The following SYT16 variants were observed in gnomAD, a reference collection of about 807,000 sequenced individuals.
The protein encoded by SYT16 is synaptotagmin-16.
Under a neutral mutation model 61.4 loss-of-function variants are expected in SYT16, and 42 were observed. The observed-to-expected ratio is 0.68, with a 90% CI of 0.53 to 0.89. The LOEUF (loss-of-function observed/expected upper bound fraction) is 0.89, where lower values mean the gene tolerates loss of function less well. Ranked by LOEUF, SYT16 falls within the 40% of genes least tolerant of loss-of-function variation. The pLI, the probability that SYT16 is intolerant of heterozygous loss-of-function variation, is 0.00. For synonymous variants in SYT16, 314 were observed against 302.3 expected (o/e 1.04, Z -0.40); for missense variants, 804 against 807.3 (o/e 1.00, Z 0.05).
At chr14:62,054,360 G>GTTTTTTTTTTTTTTTTT (rs11347339) in intron 3 of SYT16, among the ~76,000 whole-genome samples, 4 of 118,296 alleles carry the variant, frequency 3.4e-5, no homozygotes, top group African/African-American at 1.0e-4. Flanking sequence ...AGTGAAGTGA[G>GTTTTTTTTTTTTTTTTT]TTTTTTTTTT....
At chr14:62,083,564 C>T (rs2056783449) in intron 6 of SYT16, among the ~76,000 whole-genome samples, 1 of 152,212 alleles carries the variant, frequency 6.6e-6, no homozygotes, top group South Asian at 2.1e-4. Context: ...GTCGCTGAGA[C>T]CCACAACCCA....
At chr14:61,965,126 C>A (rs2784504) in intron 1 of SYT16, among the ~76,000 whole-genome samples, 20,328 of 152,076 alleles carry the variant, frequency 0.13, 2,420 homozygotes, top group African/African-American at 0.32. Flanking sequence ...ATTTTCAATT[C>A]TCTTGGGTGC....
At chr14:62,074,494 A>G (rs1011378696) in intron 4 of SYT16, among the ~76,000 whole-genome samples, 1 of 152,242 alleles carries the variant, frequency 6.6e-6, no homozygotes, top group Non-Finnish European at 1.5e-5. Context: ...CCTAATATTT[A>G]CGGAAGGCCT....
intron 1 of SYT16, among the ~76,000 whole-genome samples, chr14:61,962,149 A>G (rs2051140183): frequency 1.3e-5 from 2 of 152,134 alleles, no homozygotes; most frequent in African/African-American, 4.8e-5. Context: ...TAAGATTTGA[A>G]AAACCACCTA....
At chr14:62,023,132 G>T (rs926498388) in intron 3 of SYT16, among the ~76,000 whole-genome samples, 3 of 152,060 alleles carry the variant, frequency 2.0e-5, no homozygotes, top group East Asian at 1.9e-4. Flanking sequence ...ATCAAAAATT[G>T]TTGAGGCTGT....
chr14:61,817,011 ACACAC>A (rs1566604679), intron 1 of SYT16, among the ~76,000 whole-genome samples: 19 of 134,528 alleles, frequency 1.4e-4, no homozygotes, highest in African/African-American at 3.6e-4. Flanking sequence ...GCTCCGTCAC[ACACAC>A]ACACACACAC....
chr14:62,049,347 C>G (rs940421124), intron 3 of SYT16, among the ~76,000 whole-genome samples: 1 of 152,118 alleles, frequency 6.6e-6, no homozygotes, highest in African/African-American at 2.4e-5. Context: ...TCCTCCATCC[C>G]TTTATTTTGA....
At chr14:62,046,235 C>T (rs1236018661) in intron 3 of SYT16, among the ~76,000 whole-genome samples, 1 of 152,128 alleles carries the variant, frequency 6.6e-6, no homozygotes, top group Non-Finnish European at 1.5e-5. Context: ...TGTTTTTTGG[C>T]TGTATAAATG....
In SYT16 at chr14:61,880,620, T is replaced by A. The variant is rs537216223; in HGVS notation, c.-325+67810T>A. Among the ~76,000 whole-genome samples, 695 of 152,324 alleles carry A rather than the reference T, an allele frequency of 4.6e-3. 10 individuals carry two copies. The highest frequency in any genetic ancestry group is 0.045 in the South Asian group (218 of 4,828). On this transcript the variant is annotated intron_variant, in intron 1 of 7. Coordinates refer to ENST00000683842, the MANE Select transcript of SYT16 (RefSeq NM_001367656.1). ...TAACACATATATTGCTCTATTTAGT[T>A]TTTCCTTAATATCTTTCAGCAAAAT...
intron 1 of SYT16, among the ~76,000 whole-genome samples, chr14:61,824,887 G>A (rs1200069988): frequency 6.6e-6 from 1 of 152,136 alleles, no homozygotes; most frequent in Non-Finnish European, 1.5e-5. Context: ...GGGGGCATGA[G>A]GAGCTATGAC....
At chr14:61,869,319 C>T (rs2047255875) in intron 1 of SYT16, among the ~76,000 whole-genome samples, 3 of 151,808 alleles carry the variant, frequency 2.0e-5, no homozygotes, top group Admixed American at 1.3e-4. Flanking sequence ...ATTTGTCTTA[C>T]CGTCTTTATT....
chr14:62,041,990 A>C (rs2140851022), intron 3 of SYT16, among the ~76,000 whole-genome samples: 1 of 152,280 alleles, frequency 6.6e-6, no homozygotes. Context: ...TGAATCTTTC[A>C]TCTCTTTACC....
intron 1 of SYT16, among the ~76,000 whole-genome samples, chr14:61,909,542 G>T (rs1016333763): frequency 6.6e-6 from 1 of 152,184 alleles, no homozygotes; most frequent in African/African-American, 2.4e-5. Flanking sequence ...TCTCCTGTGT[G>T]ACTCTTGGAA....
At chr14:62,012,028 T>C (rs1595151228) in intron 3 of SYT16, among the ~76,000 whole-genome samples, 1 of 58,948 alleles carries the variant, frequency 1.7e-5, no homozygotes, top group Admixed American at 2.7e-4. Context: ...CTCATGCACC[T>C]TTTTAGAATA....
In SYT16 at chr14:62,075,177, C is replaced by G. The variant is rs915247607; in HGVS notation, c.779C>G (p.Ser260Cys). 6.2e-7 allele frequency: 1 copy of G among 1,612,524 alleles called. No individual in the cohort carries two copies. The highest frequency in any genetic ancestry group is 1.3e-5 in the African/African-American group (1 of 74,862). ...CAACGGCGTTATTCTGAGAATCTCT[C>G]CTACGGTGAAGATGACCACATCCCT... The part of the protein sequence containing the change: ...ASQRRYSENL[S>C]YGEDDHIPAH... Residue 260 changes from serine to cysteine, a missense_variant, in exon 5 of 8, where the codon TCC becomes TGC. Physicochemically the swap from Ser to Cys is moderately radical, Grantham distance 112. Coordinates refer to ENST00000683842, the MANE Select transcript of SYT16 (RefSeq NM_001367656.1).
At chr14:61,951,667 A>T (rs2784500) in intron 1 of SYT16, among the ~76,000 whole-genome samples, 6 of 151,898 alleles carry the variant, frequency 4.0e-5, no homozygotes, top group African/African-American at 1.5e-4. Flanking sequence ...GTGAAAGTTA[A>T]ATTGCCCCAT....
At chr14:62,036,471 G>T (rs550090476) in intron 3 of SYT16, among the ~76,000 whole-genome samples, 23 of 152,166 alleles carry the variant, frequency 1.5e-4, no homozygotes, top group African/African-American at 5.5e-4. Context: ...GGAGCTGTGG[G>T]TTAAGATTTG....
intron 1 of SYT16, among the ~76,000 whole-genome samples, chr14:61,913,686 T>C (rs946908833): frequency 8.1e-6 from 1 of 124,138 alleles, no homozygotes; most frequent in African/African-American, 3.1e-5. Flanking sequence ...GAAAATAAGA[T>C]CATCCTTCTT....
chr14:62,001,436 A>G (rs894295223), intron 3 of SYT16, among the ~76,000 whole-genome samples: 2 of 152,088 alleles, frequency 1.3e-5, no homozygotes, highest in African/African-American at 2.4e-5. Flanking sequence ...ATGGCTTGCT[A>G]TAATACTTTC....
Sources: allele counts gnomAD v4.1 joint callset (sites outside exome capture counted in the v4.1 genomes callset), GRCh38; gene constraint gnomAD v4.1.1; transcripts MANE v1.5; gene names NCBI Gene and HGNC (gene_info 2026-07-23, HGNC 2026-07-21).